The following CDH12 variants were observed in gnomAD, a reference collection of about 807,000 sequenced individuals.
The protein encoded by CDH12 is cadherin-12.
CDH12 carries 41 observed loss-of-function variants against 74.1 expected under a neutral mutation model. The ratio of observed to expected loss-of-function variants is 0.55; its 90% CI spans 0.43 to 0.72. CDH12 has a LOEUF of 0.72. CDH12 is among the 30% of genes least tolerant of loss of function. CDH12 has a pLI of 0.00. For missense variants in CDH12, 945 were observed against 977.2 expected, an observed-to-expected ratio of 0.97 and a Z score of 0.44; for synonymous variants, 399 against 355.0, an observed-to-expected ratio of 1.12 and a Z score of -1.39.
intron 4 of CDH12, among the ~76,000 whole-genome samples, chr5:22,149,668 C>T (rs1156880900): frequency 6.6e-6 from 1 of 152,096 alleles, no homozygotes; most frequent in Admixed American, 6.5e-5. Context: ...GACTTAAAGT[C>T]AGTAATAAGT....
chr5:22,307,130 C>T (rs1484326001), intron 3 of CDH12, among the ~76,000 whole-genome samples: 1 of 152,150 alleles, frequency 6.6e-6, no homozygotes, highest in East Asian at 1.9e-4. Context: ...CACAGCTCAC[C>T]TCAGATGACT....
chr5:22,565,605 TAAGAG>T, intron 1 of CDH12, among the ~76,000 whole-genome samples: 1 of 152,230 alleles, frequency 6.6e-6, no homozygotes, highest in South Asian at 2.1e-4. Flanking sequence ...GAAAGAGAAG[TAAGAG>T]AAGTCACAAA....
chr5:22,147,732 T>C (rs1580322547), intron 4 of CDH12, among the ~76,000 whole-genome samples: 1 of 152,234 alleles, frequency 6.6e-6, no homozygotes, highest in South Asian at 2.1e-4. Context: ...AAATCTCTTA[T>C]AAAATCATCA....
At chr5:21,900,968 T>C (rs1753359368) in intron 6 of CDH12, among the ~76,000 whole-genome samples, 1 of 152,204 alleles carries the variant, frequency 6.6e-6, no homozygotes, top group Admixed American at 6.6e-5. Flanking sequence ...CTCATTGTTG[T>C]TTCTGCCATG....
rs547247069 is a variant in CDH12, at chr5:21,855,632, G to T, written c.527-842C>A. ...AAATAAAATAGACATATATATATAT[G>T]TATGTGTATATATGTATATATATGT... is the stretch of plus-strand genomic sequence containing the variant. On this transcript the variant is annotated intron_variant, in intron 6 of 14. Coordinates refer to ENST00000382254, the MANE Select transcript of CDH12 (RefSeq NM_004061.5). 4.6e-5 allele frequency among the ~76,000 whole-genome samples: 7 copies of T among 151,474 alleles called. No homozygotes were observed. The South Asian group carries it at 1.3e-3, about 27-fold the overall frequency.
intron 6 of CDH12, among the ~76,000 whole-genome samples, chr5:21,900,079 A>T (rs1183870107): frequency 6.6e-6 from 1 of 152,180 alleles, no homozygotes; most frequent in Non-Finnish European, 1.5e-5. Flanking sequence ...TTAAAGACTT[A>T]ATAAAAGTTA....
intron 1 of CDH12, among the ~76,000 whole-genome samples, chr5:22,736,120 A>T (rs1320335193): frequency 6.6e-6 from 1 of 151,888 alleles, no homozygotes; most frequent in Non-Finnish European, 1.5e-5. Flanking sequence ...GTTTTAGTCC[A>T]AATCATCGTT....
At chr5:21,922,143 A>T (rs2150072822) in intron 6 of CDH12, among the ~76,000 whole-genome samples, 1 of 152,322 alleles carries the variant, frequency 6.6e-6, no homozygotes, top group East Asian at 1.9e-4. Flanking sequence ...GTTCTGAAAT[A>T]GCTTACACAA....
At chr5:22,744,206 G>A (rs1364101179) in intron 1 of CDH12, among the ~76,000 whole-genome samples, 1 of 152,012 alleles carries the variant, frequency 6.6e-6, no homozygotes, top group East Asian at 1.9e-4. Context: ...GAGACGGGCG[G>A]ATCACGAGGT....
At chr5:21,880,580 C>CCTTCTTTCT (rs1752227780) in intron 6 of CDH12, among the ~76,000 whole-genome samples, 5 of 41,340 alleles carry the variant, frequency 1.2e-4, no homozygotes, top group African/African-American at 2.9e-4. Flanking sequence ...TCTTTCCTTC[C>CCTTCTTTCT]TTCCTTCCTT....
chr5:22,555,848 C>T (rs2126740780), intron 1 of CDH12, among the ~76,000 whole-genome samples: 1 of 150,656 alleles, frequency 6.6e-6, no homozygotes, highest in Admixed American at 6.8e-5. Flanking sequence ...TTGCATAATG[C>T]AATAATAAAA....
chr5:22,793,820 C>A (rs1230658817), intron 1 of CDH12, among the ~76,000 whole-genome samples: 2 of 151,394 alleles, frequency 1.3e-5, no homozygotes, highest in Non-Finnish European at 2.9e-5. Context: ...TACAGAAATT[C>A]CTCCTCAATT....
intron 1 of CDH12, among the ~76,000 whole-genome samples, chr5:22,799,300 C>A (rs1353296405): frequency 2.0e-5 from 3 of 152,046 alleles, no homozygotes; most frequent in Non-Finnish European, 2.9e-5. Context: ...GCGTATATAT[C>A]ATGGAAACAG....
At chr5:22,033,016 C>T (rs1222528581) in intron 5 of CDH12, among the ~76,000 whole-genome samples, 1 of 139,022 alleles carries the variant, frequency 7.2e-6, no homozygotes, top group Admixed American at 7.5e-5. Flanking sequence ...AGCCAAGAGG[C>T]TATATAAACA....
At chr5:22,606,509 C>T (rs984164309) in intron 1 of CDH12, among the ~76,000 whole-genome samples, 4 of 152,208 alleles carry the variant, frequency 2.6e-5, no homozygotes, top group South Asian at 2.1e-4. Flanking sequence ...TGAGTTCTCA[C>T]GAGATCTGAT....
At chr5:22,546,861 A>G (rs1580753050) in intron 1 of CDH12, among the ~76,000 whole-genome samples, 1 of 152,178 alleles carries the variant, frequency 6.6e-6, no homozygotes, top group East Asian at 1.9e-4. Flanking sequence ...TTTCAGTATT[A>G]CAAAAAGCCA....
intron 1 of CDH12, among the ~76,000 whole-genome samples, chr5:22,775,283 C>A (rs994658827): frequency 6.6e-5 from 10 of 151,760 alleles, no homozygotes; most frequent in African/African-American, 2.2e-4. Flanking sequence ...TTAAAAGATA[C>A]CACGGTCAAA....
intron 1 of CDH12, among the ~76,000 whole-genome samples, chr5:22,813,049 C>G (rs1749224214): frequency 6.6e-6 from 1 of 152,030 alleles, no homozygotes; most frequent in Non-Finnish European, 1.5e-5. Flanking sequence ...AATTCAGGAG[C>G]CACATTTCTT....
At chr5:22,617,698 C>T (rs1737760109) in intron 1 of CDH12, among the ~76,000 whole-genome samples, 1 of 152,074 alleles carries the variant, frequency 6.6e-6, no homozygotes, top group Admixed American at 6.6e-5. Flanking sequence ...GTACCTGATT[C>T]TGCTCTTGTT....
Sources: allele counts gnomAD v4.1 joint callset (sites outside exome capture counted in the v4.1 genomes callset), GRCh38; gene constraint gnomAD v4.1.1; transcripts MANE v1.5; gene names NCBI Gene and HGNC (gene_info 2026-07-23, HGNC 2026-07-21).